Variants in DOP1A observed in about 807,000 individuals in gnomAD.
DOP1A encodes DOP1 leucine zipper like protein A, also known as protein DOP1A.
A neutral mutation model predicts 267.6 loss-of-function variants in DOP1A; 90 were observed. The observed-to-expected ratio is 0.34, with a 90% confidence interval of 0.28 to 0.40. The LOEUF is 0.40. DOP1A is among the 10% of genes least tolerant of loss of function. The probability of loss-of-function intolerance (pLI) is 1.00; values close to 1 mark genes in which losing one functional copy is unlikely to be tolerated. For synonymous variants in DOP1A, 932 were observed against 999.1 expected (o/e 0.93, Z 1.27); for missense variants, 2,437 against 2,900.4 (o/e 0.84, Z 3.67).
chr6:83,069,350 G>T (rs1308424725), intron 1 of DOP1A, among the ~76,000 whole-genome samples: 1 of 152,118 alleles, frequency 6.6e-6, no homozygotes, highest in Non-Finnish European at 1.5e-5. Context: ...TATAAAGGCA[G>T]GACTCTTCAA....
chr6:83,135,418 CA>C (rs141430854), intron 19 of DOP1A, among the ~76,000 whole-genome samples, 200 bp from the exon 20 acceptor site: 1,830 of 150,720 alleles, frequency 0.012, 25 homozygotes, highest in African/African-American at 0.037. Flanking sequence ...TTTAAAAGGG[CA>C]AAAGGTTTTT....
At position 83,140,409 on chromosome 6, in the gene DOP1A, A is replaced by G; in HGVS notation, c.5415+6A>G. 1.9e-6 allele frequency: 3 copies of G among 1,594,044 alleles called. No homozygotes were observed. The highest frequency in any genetic ancestry group is 1.7e-4 in the Middle Eastern group (1 of 5,950). ...TTAATCTTGGAGCTACAAAGGTTAG[A>G]CAATTCATATTTAATCTGTAGAGCT... is the stretch of plus-strand genomic sequence containing the variant. On this transcript the variant is annotated splice_donor_region_variant and intron_variant, in intron 23 of 38. Coordinates refer to ENST00000349129, the MANE Select transcript of DOP1A (RefSeq NM_015018.4).
At chr6:83,120,153 A>G (rs1394418950) in intron 9 of DOP1A, among the ~76,000 whole-genome samples, 7 of 152,022 alleles carry the variant, frequency 4.6e-5, no homozygotes, top group Non-Finnish European at 8.8e-5. Flanking sequence ...TTTTCCAAAA[A>G]TGAGTCAGGA....
rs1220882320 is a variant in DOP1A at position 83,168,147 on chromosome 6, G to T, written c.7378G>T (p.Glu2460Ter). The T allele has an allele frequency of 6.2e-7, 1 of 1,612,392 alleles. No individual in the cohort carries two copies. The highest frequency in any genetic ancestry group is 1.7e-5 in the Admixed American group (1 of 59,646). The change falls in exon 39 of 39, where the codon GAA becomes TAA. Residue 2460 changes from glutamate (E) to a stop codon, truncating the protein, a stop_gained. Transcript: ENST00000349129. LOFTEE classifies it high-confidence loss of function. ...IEEMVEKDFL[E>*]GMIKT is the part of the protein sequence containing the mutation. The stretch of plus-strand genomic sequence containing the variant: ...AGAGATGGTAGAAAAAGATTTTCTG[G>T]AAGGGATGATAAAAACTTGAGCACC...
chr6:83,086,525 C>T lies in DOP1A; in HGVS notation c.-146-10206C>T, dbSNP rs543845734. On this transcript the variant is annotated intron_variant, in intron 1 of 38. Transcript: ENST00000349129. ...CTCAAATTGCATGTTTTTCAAGACT[C>T]AGCTGTACCTCAGCATTTAAAATTG... is the stretch of plus-strand genomic sequence containing the variant. 8.5e-5 allele frequency among the ~76,000 whole-genome samples: 13 copies of T among 152,178 alleles called. No homozygotes were observed. In the South Asian group the frequency reaches 2.7e-3, roughly 32 times the overall value.
Position 83,135,643 on chromosome 6 carries a change from C to T in DOP1A, c.2895C>T (p.Ser965=), listed in dbSNP as rs1479775524. ...FDRSLFIMLD[S]LNSLDGSTSS... The stretch of plus-strand genomic sequence containing the variant: ...GGTCACTGTTCATCATGTTAGATAG[C>T]CTTAACAGTCTCGATGGTTCTACTA... The change falls in exon 20 of 39, where the codon AGC becomes AGT. Residue 965 remains serine, a synonymous_variant. Transcript: ENST00000349129. 1 of 1,613,214 alleles carries T rather than the reference C, an allele frequency of 6.2e-7. No individual in the cohort carries two copies. Among genetic ancestry groups the T allele is most frequent in the East Asian group, 2.2e-5 (1 of 44,846 alleles).
intron 18 of DOP1A, among the ~76,000 whole-genome samples, chr6:83,132,871 T>C (rs546516466): frequency 6.6e-6 from 1 of 152,294 alleles, no homozygotes; most frequent in East Asian, 1.9e-4. Flanking sequence ...GAGAAGAAGC[T>C]GGAATAATCA....
intron 37 of DOP1A, among the ~76,000 whole-genome samples, chr6:83,161,890 C>T (rs772706510): frequency 2.5e-4 from 38 of 152,246 alleles, no homozygotes; most frequent in Admixed American, 3.9e-4. Context: ...AGAGTATCCA[C>T]TGTGGTACTT....
intron 4 of DOP1A, among the ~76,000 whole-genome samples, chr6:83,101,873 A>G (rs962238831): frequency 2.0e-5 from 3 of 152,232 alleles, no homozygotes; most frequent in African/African-American, 7.2e-5. Flanking sequence ...TTTTTTGTGT[A>G]TGTGGCAGGA....
chr6:83,169,824 G>A, downstream of DOP1A: 1 of 457,412 alleles, frequency 2.2e-6, no homozygotes, highest in African/African-American at 2.0e-5. Context: ...TAAAAATCCA[G>A]ACCACAAGTC....
intron 4 of DOP1A, 73 bp from the exon 5 acceptor site, chr6:83,108,837 C>A: frequency 1.5e-6 from 2 of 1,347,986 alleles, no homozygotes; most frequent in South Asian, 1.5e-5. Flanking sequence ...AATATTTATA[C>A]ATATAATTGC....
intron 5 of DOP1A, 31 bp from the exon 6 acceptor site, chr6:83,110,094 C>T: frequency 6.6e-7 from 1 of 1,514,498 alleles, no homozygotes; most frequent in East Asian, 2.4e-5. Flanking sequence ...CTAAATGTTT[C>T]CCTTCTTAAA....
downstream of DOP1A, chr6:83,171,178 TA>T (rs1341487731): frequency 4.0e-5 from 6 of 150,646 alleles, no homozygotes; most frequent in Admixed American, 6.6e-5. Context: ...CGTCTCTAAA[TA>T]AAATATACAA....
intron 24 of DOP1A, among the ~76,000 whole-genome samples, chr6:83,144,106 A>C (rs1378683120): frequency 1.3e-5 from 2 of 152,338 alleles, no homozygotes; most frequent in African/African-American, 4.8e-5. Context: ...TGTCTCAACA[A>C]CAACAACAAC....
At chr6:83,069,834 G>A (rs1380226913) in intron 1 of DOP1A, among the ~76,000 whole-genome samples, 1 of 152,016 alleles carries the variant, frequency 6.6e-6, no homozygotes, top group East Asian at 1.9e-4. Flanking sequence ...TGTTGATAAT[G>A]GCATCACTTT....
rs558754969 is a variant in DOP1A, at chr6:83,126,324, A to G, written c.1719+591A>G. 1.3e-3 allele frequency among the ~76,000 whole-genome samples: 202 copies of G among 151,928 alleles called. 2 individuals are homozygous for G. The highest frequency in any genetic ancestry group is 8.8e-4 in the Non-Finnish European group (60 of 67,996). ...TGCCAAATGGGAGGAGAGGTTCTCA[A>G]TCTGGTCTGTGGATTTATCCAGGAC... On this transcript the variant is annotated intron_variant, in intron 15 of 38. Transcript: ENST00000349129.
At chr6:83,116,717 A>G (rs1340632138) in intron 7 of DOP1A, among the ~76,000 whole-genome samples, 4 of 152,178 alleles carry the variant, frequency 2.6e-5, no homozygotes, top group Non-Finnish European at 5.9e-5. Context: ...AGGCTGAGGC[A>G]GGAGAATCAC....
At chr6:83,089,733 C>A (rs984568737) in intron 1 of DOP1A, among the ~76,000 whole-genome samples, 17 of 151,956 alleles carry the variant, frequency 1.1e-4, no homozygotes, top group African/African-American at 4.1e-4. Flanking sequence ...TGGAAAGTTG[C>A]AGGTTATTGA....
At chr6:83,170,336 A>G (rs1786847513), downstream of DOP1A, 2 of 1,614,192 alleles carry the variant, frequency 1.2e-6, no homozygotes, top group Non-Finnish European at 8.5e-7. Flanking sequence ...TACTCGGACG[A>G]CATCTTCTGT....
Sources: gnomAD v4.1 joint callset for allele counts (sites outside exome capture counted in the v4.1 genomes callset) on GRCh38, gnomAD v4.1.1 for gene constraint, MANE v1.5 for transcripts, NCBI Gene and HGNC (gene_info 2026-07-23, HGNC 2026-07-21) for gene names.